Variants in TDRD12 observed in about 807,000 individuals in gnomAD.
TDRD12 encodes putative ATP-dependent RNA helicase TDRD12.
A neutral mutation model predicts 133.5 loss-of-function variants in TDRD12; 158 were observed. That is an observed-to-expected ratio of 1.18 (90% confidence interval 1.04 to 1.35). The LOEUF is 1.35. Ranked by LOEUF, TDRD12 falls within the 40% of genes most tolerant of loss-of-function variation. The probability of loss-of-function intolerance (pLI) is 0.00; values close to 1 mark genes in which losing one functional copy is unlikely to be tolerated. For missense variants in TDRD12, 1,443 were observed against 1,321.3 expected, an observed-to-expected ratio of 1.09 and a Z score of -1.43; for synonymous variants, 460 against 477.9, an observed-to-expected ratio of 0.96 and a Z score of 0.49.
chr19:32,800,905 A>ACCCCACCTCCTCTTC, intron 18 of TDRD12, 133 bp downstream of exon 18: 3 of 952,764 alleles, frequency 3.1e-6, no homozygotes, highest in Non-Finnish European at 4.4e-6. Flanking sequence ...CAATCAGAAG[A>ACCCCACCTCCTCTTC]GGAGGTGGGG....
chr19:32,800,647 G>C, exon 18 of TDRD12: 2 of 1,534,674 alleles, frequency 1.3e-6, no homozygotes, highest in Non-Finnish European at 1.7e-6. Context: ...TTACCAGGTA[G>C]TACATCTTTG....
In TDRD12 at chr19:32,800,684, T is replaced by A; in HGVS notation, c.1991T>A (p.Leu664Ter). 1 of 1,535,718 alleles carries A rather than the reference T, an allele frequency of 6.5e-7. No homozygotes were observed. The highest frequency in any genetic ancestry group is 8.7e-7 in the Non-Finnish European group (1 of 1,146,712). The stretch of plus-strand genomic sequence containing the variant: ...CTAGAATGTGAAAAAACTTCTTCTT[T>A]ACTCCAAGCTCTTGATTTTATTCCA... Residue 664 changes from leucine to a stop codon, truncating the protein, a stop_gained, in exon 18 of 28, where the codon TTA becomes TAA. Transcript: ENST00000444215. LOFTEE classifies it high-confidence loss of function.
chr19:32,722,279 C>T (rs1167979014), intron 1 of TDRD12, among the ~76,000 whole-genome samples: 2 of 152,100 alleles, frequency 1.3e-5, no homozygotes, highest in Non-Finnish European at 2.9e-5. Context: ...ACAACCATCC[C>T]GGCAGAACTT....
In TDRD12 at chr19:32,821,117, G is replaced by A. The variant is rs1001880390; in HGVS notation, c.3468G>A (p.Thr1156=). The A allele has an allele frequency of 2.2e-5, 34 of 1,535,874 alleles. 1 individual carries two copies. The highest frequency in any genetic ancestry group is 2.1e-4 in the African/African-American group (15 of 72,986). Residue 1156 remains threonine, a synonymous_variant, in exon 28 of 28, where the codon ACG becomes ACA. Coordinates refer to ENST00000444215, the Ensembl canonical transcript of TDRD12. Reference sequence around the variant, plus strand: ...CAGAAGGAGGGGCTGAGTCCAAGACGAGCTCAGAAAACCAGAAGCCTGGTG... The same window carrying A: ...CAGAAGGAGGGGCTGAGTCCAAGACAAGCTCAGAAAACCAGAAGCCTGGTG...
chr19:32,808,149 TAAG>T (rs1966887416), intron 22 of TDRD12, among the ~76,000 whole-genome samples: 1 of 152,280 alleles, frequency 6.6e-6, no homozygotes, highest in Non-Finnish European at 1.5e-5. Flanking sequence ...AATTCTGTAA[TAAG>T]GTGCAGATAG....
At chr19:32,742,133 T>A (rs1299971929) in intron 3 of TDRD12, among the ~76,000 whole-genome samples, 1 of 151,730 alleles carries the variant, frequency 6.6e-6, no homozygotes. Flanking sequence ...TATCCAGTAT[T>A]TGTCCACCTA....
chr19:32,789,633 C>T (rs559125814), intron 11 of TDRD12, among the ~76,000 whole-genome samples: 6 of 152,310 alleles, frequency 3.9e-5, no homozygotes, highest in Middle Eastern at 3.4e-3. Context: ...TATTCCATTG[C>T]GTGCATGGAG....
intron 11 of TDRD12, among the ~76,000 whole-genome samples, chr19:32,788,704 C>G (rs1010469333): frequency 1.3e-5 from 2 of 152,062 alleles, no homozygotes; most frequent in African/African-American, 2.4e-5. Flanking sequence ...GTCATGCAGT[C>G]CTTGATTGTC....
chr19:32,738,571 T>C (rs1300908407), intron 2 of TDRD12, among the ~76,000 whole-genome samples: 1 of 152,188 alleles, frequency 6.6e-6, no homozygotes, highest in Non-Finnish European at 1.5e-5. Context: ...ATCCCAGCAC[T>C]TTGGGAGGCT....
intron 26 of TDRD12, among the ~76,000 whole-genome samples, chr19:32,817,218 G>A (rs1000426108): frequency 5.9e-5 from 9 of 152,210 alleles, no homozygotes; most frequent in Admixed American, 2.6e-4. Flanking sequence ...AACCATCATC[G>A]CTATCCATCT....
chr19:32,721,713 T>TGTATTGTATTGTA (rs1968680196), intron 1 of TDRD12, among the ~76,000 whole-genome samples: 1 of 147,200 alleles, frequency 6.8e-6, no homozygotes, highest in African/African-American at 2.6e-5. Context: ...TTTATTTTAT[T>TGTATTGTATTGTA]TTATTTTATT....
At chr19:32,805,037 C>T (rs934972772) in intron 21 of TDRD12, among the ~76,000 whole-genome samples, 4 of 151,674 alleles carry the variant, frequency 2.6e-5, no homozygotes, top group African/African-American at 9.7e-5. Context: ...GTGGCTCACA[C>T]CTATAATCCC....
chr19:32,828,613 T>C (rs1227152097), exon 10 of TDRD12: 1 of 152,192 alleles, frequency 6.6e-6, no homozygotes, highest in Non-Finnish European at 1.5e-5. Context: ...AAGATCTTTA[T>C]TATTTTTTTG....
chr19:32,723,986 TA>T (rs1968776846), intron 1 of TDRD12, among the ~76,000 whole-genome samples: 1 of 151,870 alleles, frequency 6.6e-6, no homozygotes, highest in Admixed American at 6.6e-5. Context: ...GCCTCCTGAG[TA>T]GCTGGGCCTA....
At chr19:32,743,655 G>A (rs1482350478) in intron 4 of TDRD12, among the ~76,000 whole-genome samples, 1 of 152,006 alleles carries the variant, frequency 6.6e-6, no homozygotes, top group Admixed American at 6.6e-5. Context: ...GCCTTTGTCA[G>A]TGCTTTTACA....
intron 11 of TDRD12, among the ~76,000 whole-genome samples, chr19:32,788,801 C>G (rs1259019905): frequency 2.0e-5 from 3 of 152,058 alleles, no homozygotes; most frequent in South Asian, 4.2e-4. Context: ...CTCTGGGGAG[C>G]GAGCTGCTGT....
At chr19:32,721,982 C>T (rs1968697284) in intron 1 of TDRD12, among the ~76,000 whole-genome samples, 1 of 151,860 alleles carries the variant, frequency 6.6e-6, no homozygotes, top group Non-Finnish European at 1.5e-5. Context: ...TCCCAAAGTG[C>T]TGGGATTACA....
At chr19:32,779,039 G>A (rs773207429) in intron 11 of TDRD12, among the ~76,000 whole-genome samples, 5 of 152,160 alleles carry the variant, frequency 3.3e-5, no homozygotes, top group South Asian at 4.1e-4. Flanking sequence ...CCTTGACTGC[G>A]CAGAGGTCCA....
At chr19:32,800,997 G>A (rs1971371435) in intron 18 of TDRD12, among the ~76,000 whole-genome samples, 2 of 151,946 alleles carry the variant, frequency 1.3e-5, no homozygotes, top group African/African-American at 2.4e-5. Flanking sequence ...CTGCAGCAGC[G>A]TTCCCCAGGG....
Sources: allele counts gnomAD v4.1 joint callset (sites outside exome capture counted in the v4.1 genomes callset), GRCh38; gene constraint gnomAD v4.1.1; transcripts MANE v1.5; gene names NCBI Gene and HGNC (gene_info 2026-07-23, HGNC 2026-07-21).